Variants in CEMIP observed in about 807,000 individuals in gnomAD.
CEMIP encodes the protein cell migration-inducing and hyaluronan-binding protein.
In CEMIP, 105 loss-of-function variants were observed where a neutral mutation model predicts 156.9. The ratio of observed to expected loss-of-function variants is 0.67; its 90% CI spans 0.57 to 0.79. The LOEUF (loss-of-function observed/expected upper bound fraction) is 0.79, where lower values mean the gene tolerates loss of function less well. Among genes scored for constraint, CEMIP ranks in the 30% least tolerant of loss-of-function variants. The pLI is 0.00. For missense variants in CEMIP, 1,457 were observed against 1,769.4 expected, an observed-to-expected ratio of 0.82 and a Z score of 3.17; for synonymous variants, 676 against 668.4, an observed-to-expected ratio of 1.01 and a Z score of -0.17.
At chr15:80,891,480 A>G (rs760151253) in intron 10 of CEMIP, among the ~76,000 whole-genome samples, 1 of 152,246 alleles carries the variant, frequency 6.6e-6, no homozygotes, top group Non-Finnish European at 1.5e-5. Context: ...CCTTGGCAAT[A>G]CATTCCCCAA....
intron 9 of CEMIP, 139 bp downstream of exon 9, chr15:80,888,935 C>T (rs971508436): frequency 6.2e-6 from 5 of 808,740 alleles, no homozygotes; most frequent in African/African-American, 5.1e-5. Flanking sequence ...AAATGTGCAA[C>T]CAAAAGTTGT....
At chr15:80,948,443 G>A (rs559637942) in intron 29 of CEMIP, 64 of 365,816 alleles carry the variant, frequency 1.7e-4, no homozygotes, top group Middle Eastern at 1.9e-3. Context: ...TCAGAGAGGG[G>A]CAGGGACTTG....
intron 1 of CEMIP, among the ~76,000 whole-genome samples, chr15:80,829,999 T>TGCGC (rs753626316): frequency 6.7e-5 from 10 of 149,010 alleles, no homozygotes; most frequent in African/African-American, 2.5e-4. Context: ...TGTGTGTGTG[T>TGCGC]GTGCGCGCAT....
chr15:80,902,757 C>T (rs548619333), intron 12 of CEMIP, among the ~76,000 whole-genome samples: 1 of 152,252 alleles, frequency 6.6e-6, no homozygotes, highest in South Asian at 2.1e-4. Flanking sequence ...AGAAAGATGC[C>T]AAATTTGCTA....
intron 1 of CEMIP, among the ~76,000 whole-genome samples, chr15:80,847,966 C>T (rs2141725753): frequency 6.6e-6 from 1 of 152,352 alleles, no homozygotes; most frequent in Admixed American, 6.5e-5. Flanking sequence ...AGCTCTCCAG[C>T]ATGTGCATCT....
At chr15:80,912,437 G>A (rs1280907272) in intron 14 of CEMIP, among the ~76,000 whole-genome samples, 1 of 152,194 alleles carries the variant, frequency 6.6e-6, no homozygotes, top group Non-Finnish European at 1.5e-5. Context: ...GGTGGCTGAG[G>A]TACCAGTTAC....
chr15:80,883,491 A>T (rs1898733712), intron 6 of CEMIP, among the ~76,000 whole-genome samples: 2 of 152,234 alleles, frequency 1.3e-5, no homozygotes, highest in Admixed American at 1.3e-4. Context: ...AATAATTTTT[A>T]AAAAATAAAC....
chr15:80,948,076 T>C (rs1275749638), intron 29 of CEMIP: 1 of 153,390 alleles, frequency 6.5e-6, no homozygotes, highest in Non-Finnish European at 1.5e-5. Context: ...CTGAAATCAT[T>C]TTGGAGCCTC....
At position 80,932,056 on chromosome 15, in the gene CEMIP, G is replaced by C. The variant is rs760656558; in HGVS notation, c.2793+17G>C. The C allele has an allele frequency of 6.2e-7, 1 of 1,611,510 alleles. No individual in the cohort carries two copies. The highest frequency in any genetic ancestry group is 8.5e-7 in the Non-Finnish European group (1 of 1,179,986). Reference sequence around the variant, plus strand: ...GACGTTCCGGTGAGTGAGGCGCCAGGGCAGACTCCCGGCAAACCCAGACTT... The same window carrying C: ...GACGTTCCGGTGAGTGAGGCGCCAGCGCAGACTCCCGGCAAACCCAGACTT... On this transcript the variant is annotated intron_variant, in intron 22 of 29. Coordinates refer to ENST00000394685, the MANE Select transcript of CEMIP (RefSeq NM_001293298.2). The surrounding 1 kb of genome is among the most constrained non-coding windows in gnomAD (Gnocchi z 4.5).
Position 80,784,169 on chromosome 15 carries a change from T to G in CEMIP, c.-176+4555T>G, listed in dbSNP as rs751351653. Among the ~76,000 whole-genome samples, 3 of 152,262 alleles carry G rather than the reference T, an allele frequency of 2.0e-5. No individual in the cohort carries two copies. In the South Asian group the frequency reaches 6.2e-4, roughly 32 times the overall value. On this transcript the variant is annotated intron_variant, in intron 1 of 29. Coordinates refer to ENST00000394685, the MANE Select transcript of CEMIP (RefSeq NM_001293298.2). ...CAGGGGTTTAGATGCAACTTCAGTT[T>G]AAAGTGCTTTGCCCAGACTTTGAAA... is the stretch of plus-strand genomic sequence containing the variant.
chr15:80,941,719 T>TG (rs1901342313), intron 25 of CEMIP, 130 bp from the exon 26 acceptor site: 2 of 777,642 alleles, frequency 2.6e-6, no homozygotes, highest in Admixed American at 4.0e-5. Flanking sequence ...GTGGTAGACA[T>TG]GGTTCCATTC....
Position 80,815,477 on chromosome 15 carries a change from G to A in CEMIP, c.-176+35863G>A, listed in dbSNP as rs964347101. Among the ~76,000 whole-genome samples the A allele has an allele frequency of 3.9e-5, 6 of 152,200 alleles. No homozygotes were observed. In the East Asian group the frequency reaches 9.6e-4, roughly 24 times the overall value. On this transcript the variant is annotated intron_variant, in intron 1 of 29. Transcript: ENST00000394685. ...TGAAGTAACATATGGAAAATGCACA[G>A]TACAATGCCTGGTATATAGTAGATA...
chr15:80,860,289 C>T (rs1286202037), intron 1 of CEMIP, among the ~76,000 whole-genome samples: 1 of 152,232 alleles, frequency 6.6e-6, no homozygotes, highest in Non-Finnish European at 1.5e-5. Flanking sequence ...GTTTTGAGAA[C>T]TTCTTTCACG....
intron 1 of CEMIP, among the ~76,000 whole-genome samples, chr15:80,803,646 C>T (rs1254370978): frequency 2.0e-5 from 3 of 152,084 alleles, no homozygotes; most frequent in Non-Finnish European, 4.4e-5. Context: ...GGTTCTAGAC[C>T]ATCCAGATTA....
At chr15:80,921,519 G>A (rs1306763004) in intron 16 of CEMIP, among the ~76,000 whole-genome samples, 1 of 152,188 alleles carries the variant, frequency 6.6e-6, no homozygotes, top group African/African-American at 2.4e-5. Flanking sequence ...TAGGAGAGCT[G>A]ACATGCCCAG....
Position 80,937,832 on chromosome 15 carries a change from G to C in CEMIP, c.3260G>C (p.Gly1087Ala). Residue 1087 changes from glycine to alanine, a missense_variant, in exon 25 of 30, where the codon GGC (glycine) becomes GCC (alanine). Gly to Ala is a moderately conservative substitution (Grantham distance 60). Around this residue, in one of 5 missense-constraint regions of CEMIP, gnomAD observed 798 missense variants for 980.1 expected, o/e 0.81. Transcript: ENST00000394685. Reference protein sequence around the residue: ...WIRVGLCYPRGTTFSILSDVH... With the variant: ...WIRVGLCYPRATTFSILSDVH... ...CGAGTGGGGCTCTGCTACCCGCGAG[G>C]CACCACATTCTCCATCCTCTCGGAT... The C allele has an allele frequency of 1.2e-6, 2 of 1,614,208 alleles. No homozygotes were observed.
chr15:80,915,768 G>A (rs1264769532), intron 14 of CEMIP, among the ~76,000 whole-genome samples: 3 of 152,008 alleles, frequency 2.0e-5, no homozygotes, highest in African/African-American at 7.3e-5. Flanking sequence ...TCCTGTCCTT[G>A]TTAGGCAGAG....
chr15:80,905,638 C>A lies in CEMIP; in HGVS notation c.1412-1025C>A, dbSNP rs572920803. ...GGCTCTGATTACAGCAGGAGAAAGACTGGCAATTACTAGGAGGGGTAGCAG... is the reference window on the plus strand; with the variant it reads ...GGCTCTGATTACAGCAGGAGAAAGAATGGCAATTACTAGGAGGGGTAGCAG... On this transcript the variant is annotated intron_variant, in intron 12 of 29. Coordinates refer to ENST00000394685, the MANE Select transcript of CEMIP (RefSeq NM_001293298.2). 2.0e-5 allele frequency among the ~76,000 whole-genome samples: 3 copies of A among 152,208 alleles called. No homozygotes were observed. In the East Asian group the frequency reaches 5.8e-4, roughly 29 times the overall value.
At chr15:80,852,537 G>A (rs1897739311) in intron 1 of CEMIP, among the ~76,000 whole-genome samples, 1 of 152,132 alleles carries the variant, frequency 6.6e-6, no homozygotes, top group African/African-American at 2.4e-5. Context: ...TATGGCATCG[G>A]AAACATTCTG....
Sources: allele counts gnomAD v4.1 joint callset (sites outside exome capture counted in the v4.1 genomes callset), GRCh38; gene constraint gnomAD v4.1.1; regional missense constraint gnomAD v4.1.1; non-coding constraint Gnocchi (gnomAD v3.1); transcripts MANE v1.5; gene names NCBI Gene and HGNC (gene_info 2026-07-23, HGNC 2026-07-21).